The following DYNC1I1 variants were observed in gnomAD, a reference collection of about 807,000 sequenced individuals.
The protein encoded by DYNC1I1 is cytoplasmic dynein 1 intermediate chain 1.
In DYNC1I1, 43 loss-of-function variants were observed where a neutral mutation model predicts 86.6. The observed-to-expected ratio is 0.50, with a 90% confidence interval of 0.39 to 0.64. The LOEUF is 0.64. Among genes scored for constraint, DYNC1I1 ranks in the 30% least tolerant of loss-of-function variants. The pLI, the probability that DYNC1I1 is intolerant of heterozygous loss-of-function variation, is 0.00. For synonymous variants in DYNC1I1, 262 were observed against 283.7 expected (o/e 0.92, Z 0.77); for missense variants, 604 against 788.8 (o/e 0.77, Z 2.81).
rs533590111 is a variant in DYNC1I1, at chr7:95,804,166, T to C, written c.-9-555T>C. On this transcript the variant is annotated intron_variant, in intron 1 of 16. Coordinates refer to ENST00000447467, the MANE Select transcript of DYNC1I1 (RefSeq NM_001135556.2). Reference sequence around the variant, plus strand: ...GTTTTACCGAGAAAGAAGATTAACATGTTCGGTCTTCAGCGGCTGTCTTCC... The same window carrying C: ...GTTTTACCGAGAAAGAAGATTAACACGTTCGGTCTTCAGCGGCTGTCTTCC... The C allele has an allele frequency of 5.1e-5, 10 of 195,840 alleles. No individual in the cohort carries two copies. In the South Asian group the frequency reaches 8.6e-4, roughly 17 times the overall value. The allele number at this position is 195,840 out of a possible 1,614,324, so 12.1% of individuals were successfully genotyped here.
intron 15 of DYNC1I1, among the ~76,000 whole-genome samples, chr7:96,078,241 T>A (rs1790402128): frequency 6.6e-6 from 1 of 152,226 alleles, no homozygotes; most frequent in Non-Finnish European, 1.5e-5. Context: ...TTCTGATTTC[T>A]ACTGCTTAAT....
intron 6 of DYNC1I1, among the ~76,000 whole-genome samples, chr7:95,914,258 G>T (rs1021293942): frequency 1.3e-5 from 2 of 152,186 alleles, no homozygotes; most frequent in African/African-American, 4.8e-5. Flanking sequence ...GGATGGGGCT[G>T]CTTTCTTGTC....
intron 6 of DYNC1I1, among the ~76,000 whole-genome samples, chr7:95,882,949 T>C (rs1790493819): frequency 6.6e-6 from 1 of 152,216 alleles, no homozygotes; most frequent in African/African-American, 2.4e-5. Flanking sequence ...TGGTTTTGGT[T>C]AGGCATAAAA....
chr7:95,893,329 TTTC>T (rs1171778199), intron 6 of DYNC1I1, among the ~76,000 whole-genome samples: 11 of 152,228 alleles, frequency 7.2e-5, no homozygotes, highest in Non-Finnish European at 1.5e-4. Context: ...TGTTCATGTG[TTTC>T]TTCATTTTTT....
intron 4 of DYNC1I1, among the ~76,000 whole-genome samples, chr7:95,825,087 G>T (rs1241567621): frequency 6.6e-6 from 1 of 152,194 alleles, no homozygotes; most frequent in African/African-American, 2.4e-5. Context: ...CAATAACTAT[G>T]GTTTCTGTTA....
At chr7:96,064,158 G>A (rs1789880470) in intron 14 of DYNC1I1, among the ~76,000 whole-genome samples, 1 of 150,896 alleles carries the variant, frequency 6.6e-6, no homozygotes, top group Non-Finnish European at 1.5e-5. Flanking sequence ...AAGCATCATT[G>A]TTCTTCTCCA....
chr7:96,089,949 G>A (rs1157175903), intron 16 of DYNC1I1, among the ~76,000 whole-genome samples: 1 of 152,150 alleles, frequency 6.6e-6, no homozygotes, highest in East Asian at 1.9e-4. Flanking sequence ...TGACAGTTGA[G>A]CTTGTGTAGC....
chr7:96,090,812 A>T (rs1790817256), intron 16 of DYNC1I1, among the ~76,000 whole-genome samples: 1 of 152,182 alleles, frequency 6.6e-6, no homozygotes, highest in African/African-American at 2.4e-5. Flanking sequence ...TGCTCTAAAT[A>T]AGTTACATAC....
In DYNC1I1 at chr7:95,977,609, AT is replaced by A; in HGVS notation, c.580+9del. On this transcript the variant is annotated intron_variant, in intron 7 of 16. Transcript: ENST00000447467. ...AACAGGAAGTGAAGGAAGGTATGAT[AT>A]GGAAAATAAACTGAGTAATCATTTT... The A allele has an allele frequency of 3.7e-6, 6 of 1,610,662 alleles. No homozygotes were observed. Among genetic ancestry groups the A allele is most frequent in the Non-Finnish European group, 2.5e-6 (3 of 1,178,424 alleles).
rs191742615 is a variant in DYNC1I1, at chr7:96,056,500, A to G, written c.1509+17079A>G. 5.0e-3 allele frequency among the ~76,000 whole-genome samples: 759 copies of G among 152,244 alleles called. 10 individuals are homozygous for G. Among genetic ancestry groups the G allele is most frequent in the African/African-American group, 0.017 (725 of 41,540 alleles). On this transcript the variant is annotated intron_variant, in intron 14 of 16. Transcript: ENST00000447467. ...TTATCAAGTTTGTGACAAAATTATTACCAGTTTCTCTGAGGTAGGTCTCTC... is the reference window on the plus strand; with the variant it reads ...TTATCAAGTTTGTGACAAAATTATTGCCAGTTTCTCTGAGGTAGGTCTCTC...
At chr7:95,957,772 G>A (rs567789987) in intron 6 of DYNC1I1, among the ~76,000 whole-genome samples, 2 of 152,276 alleles carry the variant, frequency 1.3e-5, no homozygotes, top group South Asian at 4.2e-4. Context: ...GGACACACCC[G>A]GGAGTAGGCT....
intron 6 of DYNC1I1, among the ~76,000 whole-genome samples, chr7:95,927,388 C>G (rs548636960): frequency 6.6e-6 from 1 of 152,026 alleles, no homozygotes; most frequent in Admixed American, 6.5e-5. Flanking sequence ...GCTACGGGAG[C>G]GTCACAAGGG....
chr7:96,097,451 G>T (rs1791049029), intron 16 of DYNC1I1, 32 bp from the exon 17 acceptor site: 2 of 1,611,942 alleles, frequency 1.2e-6, no homozygotes, highest in Non-Finnish European at 8.5e-7. Flanking sequence ...AAGATATCTT[G>T]TTCATCATTT....
chr7:95,846,621 C>A (rs1322483324), intron 5 of DYNC1I1, among the ~76,000 whole-genome samples: 1 of 120,298 alleles, frequency 8.3e-6, no homozygotes. Context: ...TGATAAATCT[C>A]TCTCTCTGTG....
intron 6 of DYNC1I1, among the ~76,000 whole-genome samples, chr7:95,871,476 A>C (rs1790166728): frequency 6.6e-6 from 1 of 152,222 alleles, no homozygotes; most frequent in East Asian, 1.9e-4. Context: ...CTCACCACCC[A>C]ACCAAAACAT....
chr7:96,017,603 A>G (rs1320711047), intron 10 of DYNC1I1, among the ~76,000 whole-genome samples: 1 of 152,198 alleles, frequency 6.6e-6, no homozygotes, highest in Non-Finnish European at 1.5e-5. Flanking sequence ...TGAAAAAAGT[A>G]TGCATATTAT....
chr7:95,914,843 C>T (rs1475599969), intron 6 of DYNC1I1, among the ~76,000 whole-genome samples: 1 of 152,268 alleles, frequency 6.6e-6, no homozygotes, highest in Admixed American at 6.5e-5. Context: ...GCCTTTTCCT[C>T]CAGAAGTCTT....
chr7:95,786,235 T>C (rs1316894153), intron 1 of DYNC1I1, among the ~76,000 whole-genome samples: 2 of 152,098 alleles, frequency 1.3e-5, no homozygotes, highest in Non-Finnish European at 2.9e-5. Context: ...CTCAAACCCA[T>C]TTGACCATAT....
intron 14 of DYNC1I1, among the ~76,000 whole-genome samples, chr7:96,065,129 A>G (rs887466760): frequency 1.3e-5 from 2 of 152,154 alleles, no homozygotes; most frequent in Non-Finnish European, 2.9e-5. Context: ...TCAACCAACC[A>G]TATTAATCTT....
Sources: allele counts gnomAD v4.1 joint callset (sites outside exome capture counted in the v4.1 genomes callset), GRCh38; gene constraint gnomAD v4.1.1; transcripts MANE v1.5; gene names NCBI Gene and HGNC (gene_info 2026-07-23, HGNC 2026-07-21).